ANKRD12: variants seen among roughly 807,000 people sequenced by gnomAD.
ANKRD12 encodes ankyrin repeat domain-containing protein 12.
A neutral mutation model predicts 183.4 loss-of-function variants in ANKRD12; 85 were observed. The ratio of observed to expected loss-of-function variants is 0.46; its 90% CI spans 0.39 to 0.56. ANKRD12 has a LOEUF of 0.56. Ranked by LOEUF, ANKRD12 falls within the 20% of genes least tolerant of loss-of-function variation. The pLI is 0.00. For missense variants in ANKRD12, 2,405 were observed against 2,357.1 expected, an observed-to-expected ratio of 1.02 and a Z score of -0.42; for synonymous variants, 914 against 800.2, an observed-to-expected ratio of 1.14 and a Z score of -2.40.
In ANKRD12 at chr18:9,191,219, T is replaced by C. The variant is rs143267265; in HGVS notation, c.88-4332T>C. Reference sequence around the variant, plus strand: ...TAAGATAATAAACCTAACAGAGTTATGGGCCTAGGATGTGCTAATGAGCCT... The same window carrying C: ...TAAGATAATAAACCTAACAGAGTTACGGGCCTAGGATGTGCTAATGAGCCT... On this transcript the variant is annotated intron_variant, in intron 2 of 12. Coordinates refer to ENST00000262126, the MANE Select transcript of ANKRD12 (RefSeq NM_015208.5). 6.4e-3 allele frequency among the ~76,000 whole-genome samples: 968 copies of C among 152,354 alleles called. 7 individuals are homozygous for C. The highest frequency in any genetic ancestry group is 0.017 in the Middle Eastern group (5 of 294).
At chr18:9,182,879 G>C (rs1424618629) in intron 2 of ANKRD12, among the ~76,000 whole-genome samples, 1 of 152,040 alleles carries the variant, frequency 6.6e-6, no homozygotes, top group Non-Finnish European at 1.5e-5. Context: ...TTGGACTCCT[G>C]CAATTGTCTC....
chr18:9,255,957 C>T lies in ANKRD12; in HGVS notation c.2690C>T (p.Thr897Ile). The T allele has an allele frequency of 6.3e-7, 1 of 1,575,764 alleles. No homozygotes were observed. The highest frequency in any genetic ancestry group is 8.6e-7 in the Non-Finnish European group (1 of 1,168,926). ...AAAAATACTGCTGCTATTAAAAAAA[C>T]TGACGACAGAGAGAAAAGTAGAGAA... ...KSKNTAAIKKTDDREKSREKM... is the reference protein window; with the variant it reads ...KSKNTAAIKKIDDREKSREKM... The change falls in exon 9 of 13, where the codon ACT (threonine) becomes ATT (isoleucine). Residue 897 changes from threonine to isoleucine, a missense_variant. Physicochemically the swap from Thr to Ile is moderately conservative, Grantham distance 89. This residue lies in a region of ANKRD12 where 1,983 missense variants were observed against 1,725.9 expected (regional missense o/e 1.15). Coordinates refer to ENST00000262126, the MANE Select transcript of ANKRD12 (RefSeq NM_015208.5).
intron 7 of ANKRD12, among the ~76,000 whole-genome samples, chr18:9,218,288 G>A (rs1047479009): frequency 1.3e-5 from 2 of 152,162 alleles, no homozygotes; most frequent in African/African-American, 4.8e-5. Context: ...TTCCCAGAGG[G>A]AGGGACCTTT....
chr18:9,202,206 G>A (rs2035213628), intron 3 of ANKRD12, among the ~76,000 whole-genome samples: 1 of 152,132 alleles, frequency 6.6e-6, no homozygotes, highest in Non-Finnish European at 1.5e-5. Context: ...GTCTACAGAG[G>A]CAGCTGTAGA....
rs1156521521 is a variant in ANKRD12 at position 9,271,101 on chromosome 18, C to T, written c.5764-4423C>T. On this transcript the variant is annotated intron_variant, in intron 10 of 12. Transcript: ENST00000262126. ...TTTTCTTTTGTTTTTTTGAGACAGTCTCACTCTGTCACCCAGGCTGGCAGT... is the reference window on the plus strand; with the variant it reads ...TTTTCTTTTGTTTTTTTGAGACAGTTTCACTCTGTCACCCAGGCTGGCAGT... 2.6e-5 allele frequency among the ~76,000 whole-genome samples: 4 copies of T among 152,242 alleles called. No homozygotes were observed. In the East Asian group the frequency reaches 5.8e-4, roughly 22 times the overall value.
intron 1 of ANKRD12, among the ~76,000 whole-genome samples, chr18:9,178,686 A>C (rs1167112806): frequency 6.6e-6 from 1 of 152,218 alleles, no homozygotes; most frequent in African/African-American, 2.4e-5. Context: ...AAAAACAAAA[A>C]AATAGATCCT....
Position 9,255,962 on chromosome 18 carries a change from G to T in ANKRD12, c.2695G>T (p.Asp899Tyr). The stretch of plus-strand genomic sequence containing the variant: ...TACTGCTGCTATTAAAAAAACTGAC[G>T]ACAGAGAGAAAAGTAGAGAAAAGAT... ...KNTAAIKKTD[D>Y]REKSREKMDR... The change falls in exon 9 of 13, where the codon GAC (aspartate) becomes TAC (tyrosine). Residue 899 changes from aspartate (D) to tyrosine (Y), a missense_variant. Asp to Tyr is a radical substitution (Grantham distance 160). Coordinates refer to ENST00000262126, the MANE Select transcript of ANKRD12 (RefSeq NM_015208.5). The T allele has an allele frequency of 1.3e-6, 2 of 1,574,228 alleles. No homozygotes were observed. Among genetic ancestry groups the T allele is most frequent in the South Asian group, 2.4e-5 (2 of 82,824 alleles).
rs563910090 is a variant in ANKRD12, at chr18:9,207,799, G to A, written c.305-858G>A. ...GGGTTTCCCAAGAAATAGATGGACA[G>A]GTAATAGCCAGACCTCTGCATTTGG... On this transcript the variant is annotated intron_variant, in intron 4 of 12. Transcript: ENST00000262126. Among the ~76,000 whole-genome samples the A allele has an allele frequency of 1.5e-4, 23 of 152,234 alleles. No homozygotes were observed. In the South Asian group the frequency reaches 2.1e-3, roughly 14 times the overall value.
At chr18:9,171,872 C>T (rs903616673) in intron 1 of ANKRD12, among the ~76,000 whole-genome samples, 5 of 151,672 alleles carry the variant, frequency 3.3e-5, no homozygotes, top group African/African-American at 7.3e-5. Flanking sequence ...ATACAAAAAT[C>T]GGCTGGGTGT....
At chr18:9,229,207 C>T (rs1193466931) in intron 8 of ANKRD12, among the ~76,000 whole-genome samples, 1 of 151,582 alleles carries the variant, frequency 6.6e-6, no homozygotes, top group African/African-American at 2.4e-5. Context: ...TCTCTCAGTC[C>T]CTGTAATATA....
At chr18:9,174,008 G>A (rs2033015922) in intron 1 of ANKRD12, among the ~76,000 whole-genome samples, 1 of 152,228 alleles carries the variant, frequency 6.6e-6, no homozygotes, top group South Asian at 2.1e-4. Flanking sequence ...TGGAGTTGCT[G>A]AAATTCCCTC....
At chr18:9,213,409 A>G (rs2035915357) in intron 6 of ANKRD12, among the ~76,000 whole-genome samples, 1 of 151,944 alleles carries the variant, frequency 6.6e-6, no homozygotes, top group Admixed American at 6.6e-5. Flanking sequence ...TAAATAGTTA[A>G]TCATGGATGT....
At chr18:9,179,008 GTTATA>G (rs1295269367) in intron 1 of ANKRD12, among the ~76,000 whole-genome samples, 1 of 151,888 alleles carries the variant, frequency 6.6e-6, no homozygotes, top group Admixed American at 6.6e-5. Flanking sequence ...CACATATTTT[GTTATA>G]TTATCCCTAA....
At chr18:9,203,655 AGTACAATGGC>A (rs1420887963) in intron 3 of ANKRD12, among the ~76,000 whole-genome samples, 1 of 151,928 alleles carries the variant, frequency 6.6e-6, no homozygotes, top group Non-Finnish European at 1.5e-5. Flanking sequence ...CCCAGGCTGG[AGTACAATGGC>A]ATGATCTCAG....
chr18:9,258,972 C>T, intron 9 of ANKRD12, 41 bp downstream of exon 9: 2 of 1,533,836 alleles, frequency 1.3e-6, no homozygotes, highest in Non-Finnish European at 1.7e-6. Context: ...GTAACACTGC[C>T]CAATAGAAGT....
Position 9,258,784 on chromosome 18 carries a change from C to T in ANKRD12, c.5517C>T (p.Tyr1839=), listed in dbSNP as rs370316020. The T allele has an allele frequency of 5.6e-6, 9 of 1,613,822 alleles. No homozygotes were observed. In the African/African-American group the frequency reaches 6.7e-5, roughly 12 times the overall value. ...AGAGAGCAAATCCATATTTTGAATA[C>T]TTGCACATAAGGAAAAAAATAGAAG... The part of the protein sequence containing the change: ...SSERANPYFE[Y]LHIRKKIEEK... Residue 1839 remains tyrosine (Y), a synonymous_variant, in exon 9 of 13, where the codon TAC becomes TAT. Coordinates refer to ENST00000262126, the MANE Select transcript of ANKRD12 (RefSeq NM_015208.5).
intron 1 of ANKRD12, among the ~76,000 whole-genome samples, chr18:9,172,752 G>A (rs1294285768): frequency 6.6e-6 from 1 of 152,126 alleles, no homozygotes; most frequent in East Asian, 1.9e-4. Flanking sequence ...GCCCAGTTCT[G>A]TCCCCTTGCT....
intron 1 of ANKRD12, among the ~76,000 whole-genome samples, chr18:9,162,107 G>A (rs974118324): frequency 7.1e-4 from 108 of 152,104 alleles, no homozygotes; most frequent in African/African-American, 2.4e-3. Flanking sequence ...AACATATGCC[G>A]TGGTGGTTTG....
chr18:9,255,158 C>A lies in ANKRD12; in HGVS notation c.1891C>A (p.Pro631Thr). The change falls in exon 9 of 13, where the codon CCA (proline) becomes ACA (threonine). Residue 631 changes from proline (P) to threonine (T), a missense_variant. Pro to Thr is a conservative substitution (Grantham distance 38, BLOSUM62 -1). Transcript: ENST00000262126. ...NAKIKDEDHS[P>T]TFENSDCTLK... ...CAAAATAAAGGATGAAGATCATAGTCCAACATTTGAAAATTCAGATTGCAC... is the reference window on the plus strand; with the variant it reads ...CAAAATAAAGGATGAAGATCATAGTACAACATTTGAAAATTCAGATTGCAC... The A allele has an allele frequency of 6.3e-7, 1 of 1,579,496 alleles. No individual in the cohort carries two copies. Among genetic ancestry groups the A allele is most frequent in the South Asian group, 1.2e-5 (1 of 83,978 alleles).
Sources: gnomAD v4.1 joint callset for allele counts (sites outside exome capture counted in the v4.1 genomes callset) on GRCh38, gnomAD v4.1.1 for gene constraint, gnomAD v4.1.1 regional missense constraint, MANE v1.5 for transcripts, NCBI Gene and HGNC (gene_info 2026-07-23, HGNC 2026-07-21) for gene names.